The following ANK3 variants were observed in gnomAD, a reference collection of about 807,000 sequenced individuals.
ANK3 encodes the protein ankyrin-3.
ANK3 carries 57 observed loss-of-function variants against 370.9 expected under a neutral mutation model. The observed-to-expected ratio is 0.15, with a 90% CI of 0.12 to 0.19. The LOEUF (loss-of-function observed/expected upper bound fraction) is 0.19, where lower values mean the gene tolerates loss of function less well. Ranked by LOEUF, ANK3 falls within the 10% of genes least tolerant of loss-of-function variation. ANK3 has a pLI of 1.00. For missense variants in ANK3, 4,439 were observed against 5,302.1 expected (o/e 0.84, Z 5.06); for synonymous variants, 1,929 against 1,946.3 (o/e 0.99, Z 0.23).
At chr10:60,598,971 C>A (rs769405610) in intron 2 of ANK3, among the ~76,000 whole-genome samples, 1 of 152,098 alleles carries the variant, frequency 6.6e-6, no homozygotes, top group South Asian at 2.1e-4. Flanking sequence ...CTCTGTTGCC[C>A]AGGCTGGAGT....
At chr10:60,615,197 T>A (rs1376754276) in exon 2 of ANK3, 7 of 1,517,926 alleles carry the variant, frequency 4.6e-6, no homozygotes, top group Non-Finnish European at 6.1e-6. Context: ...TTTCTAGAGC[T>A]TCGTGAATAA....
At chr10:60,612,677 G>A (rs1383093395) in intron 2 of ANK3, among the ~76,000 whole-genome samples, 1 of 152,102 alleles carries the variant, frequency 6.6e-6, no homozygotes, top group African/African-American at 2.4e-5. Context: ...ATTTTTAGTA[G>A]AGATGGGGTT....
At position 60,069,248 on chromosome 10, in the gene ANK3, G is replaced by A. The variant is rs753452693; in HGVS notation, c.11633C>T (p.Pro3878Leu). Residue 3878 changes from proline to leucine, a missense_variant, in exon 37 of 44, where the codon CCG becomes CTG. Around this residue, in one of 13 missense-constraint regions of ANK3, gnomAD observed 496 missense variants for 529.3 expected, o/e 0.94. Transcript: ENST00000280772. Reference protein sequence around the residue: ...KATSPKDTFPPNHMSNTKASK... With the variant: ...KATSPKDTFPLNHMSNTKASK... ...TGCTTTAGTGTTTGACATATGGTTC[G>A]GTGGGAAGGTATCTTTTGGTGAAGT... is the stretch of plus-strand genomic sequence containing the variant. 67 of 1,614,000 alleles carry A rather than the reference G, an allele frequency of 4.2e-5. No individual in the cohort carries two copies. The highest frequency in any genetic ancestry group is 5.2e-5 in the Non-Finnish European group (61 of 1,180,018).
At chr10:60,405,694 G>A (rs1181119764) in intron 2 of ANK3, among the ~76,000 whole-genome samples, 1 of 152,116 alleles carries the variant, frequency 6.6e-6, no homozygotes, top group Non-Finnish European at 1.5e-5. Context: ...CAACATATAA[G>A]CTAATGTGTT....
rs115479900 is a variant in ANK3 at position 60,195,730 on chromosome 10, A to G, written c.1887+415T>C. Among the ~76,000 whole-genome samples, 581 of 152,340 alleles carry G rather than the reference A, an allele frequency of 3.8e-3. 4 individuals are homozygous for G. Among genetic ancestry groups the G allele is most frequent in the African/African-American group, 0.013 (561 of 41,578 alleles). ...GATCCTCCTTAGCAATAATAAAAAC[A>G]CACATGTAAAACCTCTCAACCTATT... On this transcript the variant is annotated intron_variant, in intron 16 of 43. Coordinates refer to ENST00000280772, the MANE Select transcript of ANK3 (RefSeq NM_020987.5).
intron 1 of ANK3, among the ~76,000 whole-genome samples, chr10:60,287,162 C>T (rs2040201305): frequency 6.6e-6 from 1 of 152,132 alleles, no homozygotes; most frequent in Non-Finnish European, 1.5e-5. Context: ...GTACTCTGTA[C>T]TCATACAACC....
intron 1 of ANK3, among the ~76,000 whole-genome samples, chr10:60,375,679 T>C (rs1028042455): frequency 5.3e-5 from 8 of 152,204 alleles, no homozygotes; most frequent in Non-Finnish European, 1.0e-4. Flanking sequence ...AATGCCTCCA[T>C]AAACCACATT....
At chr10:60,156,511 G>A (rs1440541775) in intron 23 of ANK3, among the ~76,000 whole-genome samples, 1 of 152,146 alleles carries the variant, frequency 6.6e-6, no homozygotes, top group Admixed American at 6.5e-5. Flanking sequence ...GTGACCCTGT[G>A]CAGTGCCAGC....
At chr10:60,408,339 T>C (rs114452659) in intron 2 of ANK3, among the ~76,000 whole-genome samples, 3,119 of 152,244 alleles carry the variant, frequency 0.02, 110 homozygotes, top group African/African-American at 0.071. Flanking sequence ...TTCTCATGAA[T>C]GGTTTAGATC....
In ANK3 at chr10:60,379,089, A is replaced by T. The variant is rs372337982; in HGVS notation, c.114+10336T>A. 1.6e-4 allele frequency among the ~76,000 whole-genome samples: 24 copies of T among 152,228 alleles called. 1 individual carries two copies. The South Asian group carries it at 3.5e-3, about 22-fold the overall frequency. Reference sequence around the variant, plus strand: ...ATTTCTCAAAAGAAAACATACGACAAATATATGAAAAATGCTAAACATCAC... The same window carrying T: ...ATTTCTCAAAAGAAAACATACGACATATATATGAAAAATGCTAAACATCAC... On this transcript the variant is annotated intron_variant, in intron 1 of 43. Coordinates refer to ENST00000280772, the MANE Select transcript of ANK3 (RefSeq NM_020987.5).
At chr10:60,114,408 T>G in intron 25 of ANK3, 77 bp from the exon 26 acceptor site, 9 of 664,288 alleles carry the variant, frequency 1.4e-5, no homozygotes, top group South Asian at 4.9e-5. Flanking sequence ...TAAAATATAT[T>G]TGTATTCCTC....
chr10:60,240,354 G>A (rs1371989931), intron 7 of ANK3, among the ~76,000 whole-genome samples: 1 of 145,996 alleles, frequency 6.8e-6, no homozygotes, highest in Non-Finnish European at 1.5e-5. Flanking sequence ...GCCCAGGCTG[G>A]AGTGCAATGG....
intron 2 of ANK3, among the ~76,000 whole-genome samples, chr10:60,513,884 A>T (rs1291582183): frequency 6.6e-6 from 1 of 152,146 alleles, no homozygotes; most frequent in Non-Finnish European, 1.5e-5. Context: ...GAGTCCACTT[A>T]TACACGGACC....
intron 1 of ANK3, among the ~76,000 whole-genome samples, chr10:60,706,286 A>G (rs2079615838): frequency 6.6e-6 from 1 of 152,214 alleles, no homozygotes; most frequent in Non-Finnish European, 1.5e-5. Flanking sequence ...ACCATAAACC[A>G]CAAATGATAT....
At chr10:60,059,277 T>C in intron 41 of ANK3, 63 bp downstream of exon 41, 6 of 1,379,494 alleles carry the variant, frequency 4.3e-6, no homozygotes, top group Non-Finnish European at 6.2e-6. Context: ...AAAAAGCATG[T>C]ATTTAAGATA....
intron 1 of ANK3, among the ~76,000 whole-genome samples, chr10:60,309,922 C>CTT (rs71015785): frequency 1.4e-3 from 185 of 134,266 alleles, no homozygotes; most frequent in Middle Eastern, 3.9e-3. Flanking sequence ...TTTCTTTTTT[C>CTT]TTTTTTTTTT....
At chr10:60,415,923 AC>A (rs60397919) in intron 2 of ANK3, among the ~76,000 whole-genome samples, 1 of 62,660 alleles carries the variant, frequency 1.6e-5, no homozygotes, top group African/African-American at 6.7e-5. Context: ...TGTGCCCCCC[AC>A]CCCCCCGCCA....
chr10:60,617,464 C>G (rs1215711110), intron 1 of ANK3, among the ~76,000 whole-genome samples: 2 of 152,136 alleles, frequency 1.3e-5, no homozygotes. Context: ...TGCTTTGAGG[C>G]ACACCTGAGC....
At chr10:60,454,235 C>T (rs4948421) in intron 2 of ANK3, among the ~76,000 whole-genome samples, 47,305 of 151,998 alleles carry the variant, frequency 0.31, 7,524 homozygotes, top group South Asian at 0.46. Context: ...CTTTTGATAA[C>T]GTCGTTCTGT....
Sources: allele counts gnomAD v4.1 joint callset (sites outside exome capture counted in the v4.1 genomes callset), GRCh38; gene constraint gnomAD v4.1.1; regional missense constraint gnomAD v4.1.1; transcripts MANE v1.5; gene names NCBI Gene and HGNC (gene_info 2026-07-23, HGNC 2026-07-21).